The following VDAC2 variants were observed in gnomAD, a reference collection of about 807,000 sequenced individuals.
VDAC2 encodes the protein voltage dependent anion channel 2.
Under a neutral mutation model 36.6 loss-of-function variants are expected in VDAC2, and 6 were observed. The ratio of observed to expected loss-of-function variants is 0.16; its 90% CI spans 0.09 to 0.32. The LOEUF (loss-of-function observed/expected upper bound fraction) is 0.32, where lower values mean the gene tolerates loss of function less well. VDAC2 is among the 10% of genes least tolerant of loss of function. The pLI is 1.00. For missense variants in VDAC2, 247 were observed against 346.0 expected, an observed-to-expected ratio of 0.71 and a Z score of 2.27; for synonymous variants, 109 against 123.8, an observed-to-expected ratio of 0.88 and a Z score of 0.79.
At chr10:75,223,523 G>A (rs970237014) in intron 8 of VDAC2, among the ~76,000 whole-genome samples, 1 of 152,148 alleles carries the variant, frequency 6.6e-6, no homozygotes, top group African/African-American at 2.4e-5. Context: ...TCCCACTTCA[G>A]TAATGTTAGC....
At chr10:75,212,167 T>C (rs1399951519) in intron 2 of VDAC2, 63 bp from the exon 3 acceptor site, 3 of 1,457,330 alleles carry the variant, frequency 2.1e-6, no homozygotes, top group Non-Finnish European at 2.9e-6. Context: ...GGTCATGCTC[T>C]TGTTCTTGGA....
intron 2 of VDAC2, chr10:75,211,769 C>A: frequency 7.5e-7 from 1 of 1,336,762 alleles, no homozygotes; most frequent in South Asian, 1.3e-5. Context: ...ATTAAATTCT[C>A]TTCCCACTCC....
intron 7 of VDAC2, among the ~76,000 whole-genome samples, chr10:75,222,015 A>G (rs1038243784): frequency 6.6e-6 from 1 of 152,212 alleles, no homozygotes; most frequent in Non-Finnish European, 1.5e-5. Flanking sequence ...AACCTCTTGC[A>G]TGTTTAATAC....
At chr10:75,227,898 CTTTT>C (rs1172542801) in intron 8 of VDAC2, among the ~76,000 whole-genome samples, 2 of 133,520 alleles carry the variant, frequency 1.5e-5, no homozygotes, top group African/African-American at 2.7e-5. Context: ...TTCTTTCTTT[CTTTT>C]TTTTTTTTTT....
At chr10:75,211,524 T>G in intron 2 of VDAC2, 1 of 1,547,388 alleles carries the variant, frequency 6.5e-7, no homozygotes, top group Non-Finnish European at 8.7e-7. Context: ...CAGTCCCTCT[T>G]GTGAGAGCGC....
rs1241908880 is a variant in VDAC2 at position 75,220,733 on chromosome 10, C to T, written c.357-10C>T. ...TTTTTCCCAATGACATCAGTTTGTT[C>T]TTTTTCCAGAAAGAAAAGTGGTAAA... is the stretch of plus-strand genomic sequence containing the variant. On this transcript the variant is annotated splice_polypyrimidine_tract_variant and intron_variant, in intron 6 of 9. Coordinates refer to ENST00000332211, the MANE Select transcript of VDAC2 (RefSeq NM_001391963.1). The T allele has an allele frequency of 3.1e-6, 5 of 1,603,868 alleles. No homozygotes were observed. The Admixed American group carries it at 6.8e-5, about 22-fold the overall frequency.
At chr10:75,219,474 T>A in intron 6 of VDAC2, 118 bp downstream of exon 6, 1 of 813,788 alleles carries the variant, frequency 1.2e-6, no homozygotes, top group Non-Finnish European at 1.9e-6. Context: ...TGGTGAAATC[T>A]CTGTATCTGC....
At position 75,214,001 on chromosome 10, in the gene VDAC2, T is replaced by C. The variant is rs747229426; in HGVS notation, c.101-20T>C. On this transcript the variant is annotated intron_variant, in intron 3 of 9. Coordinates refer to ENST00000332211, the MANE Select transcript of VDAC2 (RefSeq NM_001391963.1). ...ATACAAAGGAATCATTTTGTTTCTT[T>C]TGCTGTCTATTTGTTGAAGGTTTTG... is the stretch of plus-strand genomic sequence containing the variant. 2.5e-6 allele frequency: 4 copies of C among 1,612,640 alleles called. No individual in the cohort carries two copies. The highest frequency in any genetic ancestry group is 1.7e-5 in the Admixed American group (1 of 59,954).
At chr10:75,227,864 G>A (rs1182099187) in intron 8 of VDAC2, among the ~76,000 whole-genome samples, 2 of 150,364 alleles carry the variant, frequency 1.3e-5, no homozygotes, top group Non-Finnish European at 3.0e-5. Context: ...GAGCCACCCA[G>A]CCCGGCCAAT....
At chr10:75,219,638 C>G (rs951929901) in intron 6 of VDAC2, among the ~76,000 whole-genome samples, 11 of 152,098 alleles carry the variant, frequency 7.2e-5, no homozygotes, top group African/African-American at 2.7e-4. Flanking sequence ...GTGCGTGCCA[C>G]CACGCCCAGC....
At chr10:75,222,465 T>C (rs1841841492) in intron 8 of VDAC2, 63 bp downstream of exon 8, 2 of 1,571,318 alleles carry the variant, frequency 1.3e-6, no homozygotes, top group Admixed American at 3.8e-5. Context: ...TTGGGTATAC[T>C]GAATTATGTT....
chr10:75,211,131 C>T lies in VDAC2; in HGVS notation c.-25-3C>T, dbSNP rs748884302. ...CTTACCGCACTTCTTGTCCCTCCCG[C>T]AGATTCCCCTCTTCCCGCGGCCTCG... On this transcript the variant is annotated splice_polypyrimidine_tract_variant and splice_region_variant and intron_variant, in intron 1 of 9. Coordinates refer to ENST00000332211, the MANE Select transcript of VDAC2 (RefSeq NM_001391963.1). 6 of 1,608,236 alleles carry T rather than the reference C, an allele frequency of 3.7e-6. No homozygotes were observed. In the African/African-American group the frequency reaches 5.4e-5, roughly 14 times the overall value.
intron 8 of VDAC2, among the ~76,000 whole-genome samples, chr10:75,226,171 G>A (rs537013347): frequency 6.6e-6 from 1 of 152,232 alleles, no homozygotes; most frequent in South Asian, 2.1e-4. Flanking sequence ...TACTCTTGTA[G>A]ATATGTCTGT....
chr10:75,216,338 A>G (rs1051070663), intron 4 of VDAC2, among the ~76,000 whole-genome samples: 1 of 152,220 alleles, frequency 6.6e-6, no homozygotes, highest in Non-Finnish European at 1.5e-5. Flanking sequence ...ATCGTTGGAT[A>G]ATCAAATCTT....
At chr10:75,225,637 G>C (rs1841931431) in intron 8 of VDAC2, among the ~76,000 whole-genome samples, 1 of 152,180 alleles carries the variant, frequency 6.6e-6, no homozygotes, top group African/African-American at 2.4e-5. Context: ...AGGAAAAAAA[G>C]AACAAAGTGT....
At chr10:75,222,744 C>T (rs569049595) in intron 8 of VDAC2, among the ~76,000 whole-genome samples, 4 of 151,876 alleles carry the variant, frequency 2.6e-5, no homozygotes, top group South Asian at 2.1e-4. Flanking sequence ...TCTCTGTTGT[C>T]GAGGCTGGAC....
intron 2 of VDAC2, among the ~76,000 whole-genome samples, chr10:75,211,904 A>G (rs1430072195): frequency 1.3e-5 from 2 of 152,244 alleles, no homozygotes; most frequent in African/African-American, 2.4e-5. Flanking sequence ...TGGCAGATAC[A>G]TAAATATCCA....
intron 9 of VDAC2, among the ~76,000 whole-genome samples, 178 bp downstream of exon 9, chr10:75,229,879 T>G (rs1297894727): frequency 6.6e-6 from 1 of 151,626 alleles, no homozygotes; most frequent in East Asian, 1.9e-4. Context: ...TTTTTTTTTT[T>G]GCTGGGCCAT....
intron 2 of VDAC2, 86 bp downstream of exon 2, chr10:75,211,275 T>C: frequency 6.5e-7 from 1 of 1,539,536 alleles, no homozygotes; most frequent in Non-Finnish European, 8.8e-7. Context: ...CCCCCTATCT[T>C]TCCAAGAACT....
Sources: gnomAD v4.1 joint callset for allele counts (sites outside exome capture counted in the v4.1 genomes callset) on GRCh38, gnomAD v4.1.1 for gene constraint, MANE v1.5 for transcripts, NCBI Gene and HGNC (gene_info 2026-07-23, HGNC 2026-07-21) for gene names.